The following MKNK1 variants were observed in gnomAD, a reference collection of about 807,000 sequenced individuals.
MKNK1 encodes MAPK interacting serine/threonine kinase 1.
A neutral mutation model predicts 49.3 loss-of-function variants in MKNK1; 30 were observed. The ratio of observed to expected loss-of-function variants is 0.61; its 90% confidence interval spans 0.46 to 0.83. The LOEUF is 0.83. Ranked by LOEUF, MKNK1 falls within the 40% of genes least tolerant of loss-of-function variation. The probability of loss-of-function intolerance (pLI) is 0.00; values close to 1 mark genes in which losing one functional copy is unlikely to be tolerated. For synonymous variants in MKNK1, 176 were observed against 201.7 expected (o/e 0.87, Z 1.08); for missense variants, 423 against 524.7 (o/e 0.81, Z 1.89).
At chr1:46,577,242 G>A (rs1230112274) in intron 4 of MKNK1, among the ~76,000 whole-genome samples, 1 of 152,192 alleles carries the variant, frequency 6.6e-6, no homozygotes, top group Non-Finnish European at 1.5e-5. Context: ...ACTTCTGGAG[G>A]CTGAGGTGGG....
intron 12 of MKNK1, among the ~76,000 whole-genome samples, 196 bp from the exon 13 acceptor site, chr1:46,558,996 C>A (rs1028883457): frequency 2.0e-5 from 3 of 152,140 alleles, no homozygotes; most frequent in African/African-American, 7.2e-5. Flanking sequence ...TAATTTGAGC[C>A]CCAAGTACCA....
At chr1:46,580,449 A>C in intron 4 of MKNK1, 81 bp downstream of exon 4, 1 of 977,220 alleles carries the variant, frequency 1.0e-6, no homozygotes, top group Non-Finnish European at 1.6e-6. Flanking sequence ...ATTCTTATGG[A>C]ATATAACATT....
chr1:46,590,718 G>A (rs1673220794), intron 2 of MKNK1, among the ~76,000 whole-genome samples: 1 of 152,232 alleles, frequency 6.6e-6, no homozygotes, highest in African/African-American at 2.4e-5. Flanking sequence ...CCTTAGCACA[G>A]AGCTTCCCTG....
chr1:46,598,429 C>T (rs1237231550), intron 1 of MKNK1, among the ~76,000 whole-genome samples: 1 of 152,024 alleles, frequency 6.6e-6, no homozygotes, highest in Non-Finnish European at 1.5e-5. Context: ...TCTAGTATCT[C>T]AAAGGTTCCT....
At chr1:46,566,030 TATTA>T (rs769880577) in intron 8 of MKNK1, among the ~76,000 whole-genome samples, 6 of 152,188 alleles carry the variant, frequency 3.9e-5, no homozygotes, top group African/African-American at 9.7e-5. Flanking sequence ...AGTTTAGTGG[TATTA>T]ATTAAGTACA....
chr1:46,572,803 C>T (rs1670395104), intron 6 of MKNK1, among the ~76,000 whole-genome samples: 1 of 152,162 alleles, frequency 6.6e-6, no homozygotes, highest in African/African-American at 2.4e-5. Context: ...ACTGAAGGCA[C>T]TTGGAGCTGA....
rs1413310311 is a variant in MKNK1, at chr1:46,562,733, G to A, written c.720C>T (p.Ile240=). ...DLWSLGVVLY[I]MLSGYPPFVG... is the part of the protein sequence containing the mutation. ...CGAAGGGTGGGTAGCCACTCAGCAT[G>A]ATGTAGAGGACCACGCCCAGGCTCC... Residue 240 remains isoleucine (I), a synonymous_variant, in exon 10 of 13, where the codon ATC becomes ATT. Transcript: ENST00000371945. 1 of 1,600,910 alleles carries A rather than the reference G, an allele frequency of 6.2e-7. No homozygotes were observed. Among genetic ancestry groups the A allele is most frequent in the African/African-American group, 1.3e-5 (1 of 74,786 alleles).
intron 11 of MKNK1, among the ~76,000 whole-genome samples, chr1:46,561,270 G>A (rs1667915449): frequency 1.3e-5 from 2 of 152,216 alleles, no homozygotes; most frequent in Non-Finnish European, 2.9e-5. Flanking sequence ...CTGTGGCCAA[G>A]TTTACAGCCA....
intron 7 of MKNK1, chr1:46,569,952 A>T (rs948406060): frequency 5.9e-5 from 9 of 152,256 alleles, no homozygotes; most frequent in African/African-American, 2.2e-4. Context: ...CACAGCAGCC[A>T]TCGAGCTGCT....
intron 1 of MKNK1, among the ~76,000 whole-genome samples, chr1:46,603,780 C>T (rs1399706732): frequency 6.6e-6 from 1 of 152,204 alleles, no homozygotes; most frequent in Non-Finnish European, 1.5e-5. Context: ...CAGGCAGGAG[C>T]CTTTAAATAC....
chr1:46,560,227 C>G lies in MKNK1; in HGVS notation c.1013+7G>C. The G allele has an allele frequency of 1.2e-6, 2 of 1,614,066 alleles. No individual in the cohort carries two copies. Among genetic ancestry groups the G allele is most frequent in the South Asian group, 2.2e-5 (2 of 91,078 alleles). ...GAGCATGGCGTGGGGGTGGTCAGAG[C>G]ATTTACCTCTGGAGGACTTGCGGCG... On this transcript the variant is annotated splice_region_variant and intron_variant, in intron 12 of 12. Coordinates refer to ENST00000371945, the MANE Select transcript of MKNK1 (RefSeq NM_001135553.4).
At chr1:46,585,861 A>G in intron 2 of MKNK1, 1 of 1,295,302 alleles carries the variant, frequency 7.7e-7, no homozygotes. Context: ...ACACACACAC[A>G]AAGACAGAGT....
chr1:46,598,064 C>T (rs1304921461), intron 1 of MKNK1, among the ~76,000 whole-genome samples: 3 of 152,140 alleles, frequency 2.0e-5, no homozygotes, highest in Non-Finnish European at 4.4e-5. Context: ...ATCTCATCCT[C>T]CCTTTAAAAT....
At chr1:46,578,196 A>G (rs1341832697) in intron 4 of MKNK1, among the ~76,000 whole-genome samples, 5 of 152,242 alleles carry the variant, frequency 3.3e-5, no homozygotes. Context: ...GGAGCAGAAC[A>G]TGGACAACTA....
chr1:46,560,213 G>T (rs532165678), intron 12 of MKNK1, 21 bp downstream of exon 12: 11 of 1,613,486 alleles, frequency 6.8e-6, no homozygotes, highest in Admixed American at 1.7e-5. Context: ...AGCATGGCGT[G>T]GGGGTGGTCA....
chr1:46,561,716 A>G (rs1230080582), intron 10 of MKNK1, 74 bp from the exon 11 acceptor site: 4 of 1,533,582 alleles, frequency 2.6e-6, no homozygotes, highest in African/African-American at 2.7e-5. Context: ...GTTTTGATCA[A>G]CCGGCTTCAA....
At chr1:46,566,558 C>T (rs988494064) in intron 8 of MKNK1, among the ~76,000 whole-genome samples, 4 of 152,158 alleles carry the variant, frequency 2.6e-5, no homozygotes, top group South Asian at 2.1e-4. Flanking sequence ...TTTGAGGAAC[C>T]GCCAAACTTT....
In MKNK1 at chr1:46,572,117, C is replaced by A; in HGVS notation, c.403G>T (p.Ala135Ser). The change falls in exon 7 of 13, where the codon GCC (alanine) becomes TCC (serine). Residue 135 changes from alanine (A) to serine (S), a missense_variant. Coordinates refer to ENST00000371945, the MANE Select transcript of MKNK1 (RefSeq NM_001135553.4). ...QKQKHFNERE[A>S]SRVVRDVAAA... ...GCAACGTCCCGCACCACTCGGCTGGCTTCTCGCTCATTGAAGTGCTTTTGC... is the reference window on the plus strand; with the variant it reads ...GCAACGTCCCGCACCACTCGGCTGGATTCTCGCTCATTGAAGTGCTTTTGC... The A allele has an allele frequency of 6.2e-7, 1 of 1,614,188 alleles. No homozygotes were observed. The highest frequency in any genetic ancestry group is 8.5e-7 in the Non-Finnish European group (1 of 1,180,022).
intron 5 of MKNK1, 23 bp from the exon 6 acceptor site, chr1:46,575,043 A>G: frequency 6.7e-7 from 1 of 1,486,024 alleles, no homozygotes; most frequent in Non-Finnish European, 9.4e-7. Flanking sequence ...AAATAGGAGG[A>G]GAGGGAAAAG....
Sources: gnomAD v4.1 joint callset for allele counts (sites outside exome capture counted in the v4.1 genomes callset) on GRCh38, gnomAD v4.1.1 for gene constraint, MANE v1.5 for transcripts, NCBI Gene and HGNC (gene_info 2026-07-23, HGNC 2026-07-21) for gene names.